SLC39A8: variants seen among roughly 807,000 people sequenced by gnomAD.
SLC39A8 encodes the protein solute carrier family 39 member 8.
Under a neutral mutation model 40.4 loss-of-function variants are expected in SLC39A8, and 15 were observed. That is an observed-to-expected ratio of 0.37 (90% confidence interval 0.25 to 0.57). SLC39A8 has a LOEUF of 0.57. SLC39A8 is among the 20% of genes least tolerant of loss of function. The probability of loss-of-function intolerance (pLI) is 0.75; values close to 1 mark genes in which losing one functional copy is unlikely to be tolerated. For missense variants in SLC39A8, 472 were observed against 558.8 expected (o/e 0.84, Z 1.57); for synonymous variants, 223 against 221.6 (o/e 1.01, Z -0.06).
chr4:102,340,203 GTC>G (rs1735883556), intron 2 of SLC39A8, among the ~76,000 whole-genome samples: 1 of 152,118 alleles, frequency 6.6e-6, no homozygotes, highest in Non-Finnish European at 1.5e-5. Flanking sequence ...CACTACACTA[GTC>G]TCTAGAGAGA....
intron 2 of SLC39A8, among the ~76,000 whole-genome samples, chr4:102,331,240 G>A (rs903085412): frequency 3.9e-5 from 6 of 152,128 alleles, no homozygotes; most frequent in Admixed American, 6.5e-5. Flanking sequence ...AAATTGTCTC[G>A]TTTGCAGATG....
downstream of SLC39A8, among the ~76,000 whole-genome samples, chr4:102,259,087 C>T (rs187016844): frequency 2.0e-5 from 3 of 152,300 alleles, no homozygotes; most frequent in South Asian, 2.1e-4. Context: ...AGACACCACC[C>T]GCAGTGTCTG....
At position 102,267,911 on chromosome 4, in the gene SLC39A8, A is replaced by T; in HGVS notation, c.1009T>A (p.Ser337Thr). ...AACTCCTCACATAGGATTGCTATGGAAGTACTGAGTCCCTGAAGGAGAGAC... is the reference window on the plus strand; with the variant it reads ...AACTCCTCACATAGGATTGCTATGGTAGTACTGAGTCCCTGAAGGAGAGAC... Reference protein sequence around the residue: ...TLSLLQGLSTSIAILCEEFPH... With the variant: ...TLSLLQGLSTTIAILCEEFPH... The change falls in exon 7 of 9, where the codon TCC (serine) becomes ACC (threonine). Residue 337 changes from serine to threonine, a missense_variant. Around this residue, in one of 4 missense-constraint regions of SLC39A8, gnomAD observed 239 missense variants for 317.9 expected, o/e 0.75. Transcript: ENST00000356736. The T allele has an allele frequency of 1.2e-6, 2 of 1,614,192 alleles. No individual in the cohort carries two copies. The highest frequency in any genetic ancestry group is 1.7e-6 in the Non-Finnish European group (2 of 1,180,022).
At position 102,304,434 on chromosome 4, in the gene SLC39A8, T is replaced by G. The variant is rs1734054734; in HGVS notation, c.723A>C (p.Lys241Asn). The G allele has an allele frequency of 6.2e-7, 1 of 1,611,404 alleles. No individual in the cohort carries two copies. The highest frequency in any genetic ancestry group is 1.7e-5 in the Admixed American group (1 of 59,804). Residue 241 changes from lysine to asparagine, a missense_variant, in exon 6 of 9, where the codon AAA (lysine) becomes AAC (asparagine). Physicochemically the swap from Lys to Asn is moderately conservative, Grantham distance 94 (BLOSUM62 0). Coordinates refer to ENST00000356736, the MANE Select transcript of SLC39A8 (RefSeq NM_001135146.2). ...FGNDNFGPQEKTHQPKALPAI... is the reference protein window; with the variant it reads ...FGNDNFGPQENTHQPKALPAI... ...CAGGTAATGCTTTAGGTTGATGAGT[T>G]TTTTCTTGAGGACCAAAGTTATCAT...
At chr4:102,290,346 T>C (rs1733371027) in intron 6 of SLC39A8, among the ~76,000 whole-genome samples, 1 of 152,172 alleles carries the variant, frequency 6.6e-6, no homozygotes, top group Admixed American at 6.5e-5. Flanking sequence ...CCTGCTTTAT[T>C]GTGATATTTA....
intron 6 of SLC39A8, among the ~76,000 whole-genome samples, chr4:102,297,259 C>T (rs1354867279): frequency 6.6e-6 from 1 of 151,934 alleles, no homozygotes; most frequent in Non-Finnish European, 1.5e-5. Flanking sequence ...GTTAACCAAA[C>T]AGACCAGGAA....
At chr4:102,283,967 T>C (rs1733031437) in intron 6 of SLC39A8, among the ~76,000 whole-genome samples, 1 of 152,016 alleles carries the variant, frequency 6.6e-6, no homozygotes, top group South Asian at 2.1e-4. Context: ...ACATGGATGG[T>C]TCCTTCTTAC....
intron 2 of SLC39A8, among the ~76,000 whole-genome samples, chr4:102,338,716 G>C (rs1377884695): frequency 6.6e-6 from 1 of 152,214 alleles, no homozygotes; most frequent in Non-Finnish European, 1.5e-5. Flanking sequence ...ATAGCATAGT[G>C]TGTAAGACTG....
chr4:102,284,574 C>CCATT (rs1232134308), intron 6 of SLC39A8, among the ~76,000 whole-genome samples: 18 of 152,108 alleles, frequency 1.2e-4, no homozygotes, highest in Admixed American at 2.0e-4. Context: ...AATGTATGGA[C>CCATT]CAGGATATCA....
At chr4:102,268,153 G>A (rs1184943211) in intron 6 of SLC39A8, 74 bp from the exon 7 acceptor site, 2 of 1,505,638 alleles carry the variant, frequency 1.3e-6, no homozygotes, top group East Asian at 2.3e-5. Context: ...TTGGAGATGG[G>A]TTGTGCTTGA....
intron 6 of SLC39A8, among the ~76,000 whole-genome samples, chr4:102,282,404 T>TAA (rs1452983604): frequency 6.6e-6 from 1 of 152,162 alleles, no homozygotes; most frequent in African/African-American, 2.4e-5. Context: ...AGGATGTGCA[T>TAA]AAAAAAAGTT....
chr4:102,267,426 T>C (rs553181081), intron 8 of SLC39A8, 64 bp downstream of exon 8: 308 of 1,448,790 alleles, frequency 2.1e-4, no homozygotes, highest in Non-Finnish European at 4.8e-5. Flanking sequence ...TTAGTTAACT[T>C]ATAATCCAGA....
chr4:102,325,994 C>A (rs1279077284), intron 2 of SLC39A8, among the ~76,000 whole-genome samples: 1 of 152,150 alleles, frequency 6.6e-6, no homozygotes, highest in East Asian at 1.9e-4. Context: ...AGAAGGTGTT[C>A]TTTTAGACTC....
chr4:102,287,457 G>A (rs2149021183), intron 6 of SLC39A8, among the ~76,000 whole-genome samples: 1 of 152,210 alleles, frequency 6.6e-6, no homozygotes, highest in Admixed American at 6.6e-5. Flanking sequence ...TTACATATCT[G>A]TCAAGATGGA....
At chr4:102,319,560 G>T (rs1734814137) in intron 2 of SLC39A8, among the ~76,000 whole-genome samples, 1 of 152,088 alleles carries the variant, frequency 6.6e-6, no homozygotes, top group Admixed American at 6.6e-5. Flanking sequence ...TGTTAGGTCT[G>T]TTTAACCAAA....
intron 6 of SLC39A8, among the ~76,000 whole-genome samples, chr4:102,278,547 T>C (rs572418040): frequency 2.8e-4 from 43 of 152,222 alleles, no homozygotes; most frequent in African/African-American, 8.9e-4. Flanking sequence ...GGTGGGAGTA[T>C]AAATTAGTTC....
At chr4:102,269,932 A>G (rs537793555) in intron 6 of SLC39A8, 1 of 152,208 alleles carries the variant, frequency 6.6e-6, no homozygotes, top group East Asian at 1.9e-4. Context: ...CACAATAAAC[A>G]ATCATAATTT....
chr4:102,331,959 C>T (rs1361101417), intron 2 of SLC39A8, among the ~76,000 whole-genome samples: 1 of 152,092 alleles, frequency 6.6e-6, no homozygotes, highest in African/African-American at 2.4e-5. Flanking sequence ...AACTGACTAG[C>T]CCTATGTAGA....
downstream of SLC39A8, among the ~76,000 whole-genome samples, chr4:102,256,994 A>C (rs570764981): frequency 6.6e-6 from 1 of 152,168 alleles, no homozygotes; most frequent in African/African-American, 2.4e-5. Context: ...AAAGGAGGGG[A>C]ATCTACAGGC....
Sources: allele counts gnomAD v4.1 joint callset (sites outside exome capture counted in the v4.1 genomes callset), GRCh38; gene constraint gnomAD v4.1.1; regional missense constraint gnomAD v4.1.1; transcripts MANE v1.5; gene names NCBI Gene and HGNC (gene_info 2026-07-23, HGNC 2026-07-21).